The following FBXL5 variants were observed in gnomAD, a reference collection of about 807,000 sequenced individuals.
FBXL5 encodes the protein F-box and leucine rich repeat protein 5, also known as F-box/LRR-repeat protein 5.
A neutral mutation model predicts 78.3 loss-of-function variants in FBXL5; 26 were observed. That is an observed-to-expected ratio of 0.33 (90% CI 0.24 to 0.46). The LOEUF (loss-of-function observed/expected upper bound fraction) is 0.46, where lower values mean the gene tolerates loss of function less well. Ranked by LOEUF, FBXL5 falls within the 20% of genes least tolerant of loss-of-function variation. The probability of loss-of-function intolerance (pLI) is 1.00; values close to 1 mark genes in which losing one functional copy is unlikely to be tolerated. For synonymous variants in FBXL5, 295 were observed against 282.5 expected (o/e 1.04, Z -0.45); for missense variants, 710 against 829.2 (o/e 0.86, Z 1.77).
At chr4:15,651,442 A>T (rs959700912) in intron 1 of FBXL5, among the ~76,000 whole-genome samples, 1 of 152,350 alleles carries the variant, frequency 6.6e-6, no homozygotes, top group African/African-American at 2.4e-5. Flanking sequence ...CGTGAAGATT[A>T]AAAGAAACAA....
intron 1 of FBXL5, among the ~76,000 whole-genome samples, chr4:15,671,920 T>G (rs1268710761): frequency 6.6e-6 from 1 of 152,236 alleles, no homozygotes; most frequent in Non-Finnish European, 1.5e-5. Context: ...TCCATGTCTC[T>G]ACTTTTTGAA....
At chr4:15,642,659 T>G (rs1276233368) in intron 2 of FBXL5, among the ~76,000 whole-genome samples, 1 of 152,242 alleles carries the variant, frequency 6.6e-6, no homozygotes, top group Admixed American at 6.5e-5. Flanking sequence ...CTCTTACGAC[T>G]TTACACATTT....
chr4:15,646,586 T>C (rs1237101432), intron 1 of FBXL5, among the ~76,000 whole-genome samples: 1 of 152,134 alleles, frequency 6.6e-6, no homozygotes, highest in Non-Finnish European at 1.5e-5. Context: ...TAGGTACATG[T>C]GCACAACGTG....
Position 15,604,784 on chromosome 4 carries a change from T to C in FBXL5, c.*939A>G, listed in dbSNP as rs902411326. The C allele has an allele frequency of 7.9e-5, 12 of 152,234 alleles. No individual in the cohort carries two copies. Among genetic ancestry groups the C allele is most frequent in the Non-Finnish European group, 1.8e-4 (12 of 68,036 alleles). 9.4% of individuals were successfully genotyped at this position (152,234 alleles called of 1,614,324 possible). A position where few individuals can be genotyped will look rare whatever the true frequency, so the allele number is the denominator to read the frequency against. On this transcript the variant is annotated 3_prime_UTR_variant, in exon 11 of 11. Coordinates refer to ENST00000341285, the MANE Select transcript of FBXL5 (RefSeq NM_012161.4). ...GGGTGGCAGGCCTCCACTCTCATGA[T>C]GTTTTAACAAAGCAAAGTAGATATA... is the stretch of plus-strand genomic sequence containing the variant.
rs781272941 is a variant in FBXL5, at chr4:15,630,710, C to T, written c.848G>A (p.Arg283His). ...ATCTTCATCCCACTCATGAAAAGCA[C>T]GACTTTCATCTTTCCTATTTTTCAC... ...EWVKNRKDES[R>H]AFHEWDEDAD... Residue 283 changes from arginine to histidine, a missense_variant, in exon 6 of 11, where the codon CGT becomes CAT. Transcript: ENST00000341285. 6.9e-6 allele frequency: 11 copies of T among 1,602,384 alleles called. No homozygotes were observed. The highest frequency in any genetic ancestry group is 2.3e-5 in the South Asian group (2 of 87,916).
chr4:15,669,308 G>A (rs1015106325), intron 1 of FBXL5, among the ~76,000 whole-genome samples: 8 of 152,102 alleles, frequency 5.3e-5, no homozygotes, highest in Non-Finnish European at 8.8e-5. Flanking sequence ...CAAAGGTTAA[G>A]TATTTCTGTA....
intron 1 of FBXL5, among the ~76,000 whole-genome samples, chr4:15,677,102 G>A (rs962010379): frequency 6.6e-6 from 1 of 152,156 alleles, no homozygotes; most frequent in East Asian, 1.9e-4. Context: ...CTGAAGACAA[G>A]CAAGGTAACA....
chr4:15,670,826 A>G (rs1291144005), intron 1 of FBXL5, among the ~76,000 whole-genome samples: 3 of 151,724 alleles, frequency 2.0e-5, no homozygotes, highest in Non-Finnish European at 4.4e-5. Context: ...CATTTCTGGT[A>G]CAACGGATCT....
chr4:15,674,227 C>G (rs1026781563), intron 1 of FBXL5, among the ~76,000 whole-genome samples: 6 of 144,776 alleles, frequency 4.1e-5, no homozygotes, highest in Non-Finnish European at 6.0e-5. Flanking sequence ...TTTTAATTCT[C>G]TAGCCCTATG....
chr4:15,633,791 C>T (rs7662032), intron 5 of FBXL5, among the ~76,000 whole-genome samples: 2 of 152,082 alleles, frequency 1.3e-5, no homozygotes, highest in Non-Finnish European at 2.9e-5. Flanking sequence ...GTAGACAGAG[C>T]GTTTCACCTT....
At chr4:15,645,802 G>A (rs1715294246) in intron 1 of FBXL5, among the ~76,000 whole-genome samples, 1 of 152,112 alleles carries the variant, frequency 6.6e-6, no homozygotes, top group Non-Finnish European at 1.5e-5. Flanking sequence ...ATGGTTGTTA[G>A]TACTCAATAA....
chr4:15,618,284 C>T (rs554097776), intron 9 of FBXL5, among the ~76,000 whole-genome samples: 2 of 152,288 alleles, frequency 1.3e-5, no homozygotes, highest in Admixed American at 1.3e-4. Context: ...TTCCCAACTA[C>T]ACTTTAAGAG....
Position 15,625,561 on chromosome 4 carries a change from C to T in FBXL5, c.1541G>A (p.Ser514Asn), listed in dbSNP as rs1560218933. 1 of 1,614,182 alleles carries T rather than the reference C, an allele frequency of 6.2e-7. No individual in the cohort carries two copies. Among genetic ancestry groups the T allele is most frequent in the South Asian group, 1.1e-5 (1 of 91,084 alleles). The change falls in exon 9 of 11, where the codon AGT (serine) becomes AAT (asparagine). Residue 514 changes from serine (S) to asparagine (N), a missense_variant. Physicochemically the swap from Ser to Asn is conservative, Grantham distance 46 (BLOSUM62 1). This residue lies in a region of FBXL5 where 517 missense variants were observed against 542.9 expected (regional missense o/e 0.95). Transcript: ENST00000341285. The part of the protein sequence containing the change: ...LCVMETASNF[S>N]CSTSGCFSKD... ...ACTAAAACAACCAGAGGTGGAACAACTAAAGTTGGATGCTGTTTCCATTAC... is the reference window on the plus strand; with the variant it reads ...ACTAAAACAACCAGAGGTGGAACAATTAAAGTTGGATGCTGTTTCCATTAC...
At chr4:15,620,835 G>C (rs1047293743) in intron 9 of FBXL5, among the ~76,000 whole-genome samples, 1 of 152,250 alleles carries the variant, frequency 6.6e-6, no homozygotes, top group Admixed American at 6.5e-5. Context: ...ACAAACAATT[G>C]CATGAGCGAT....
intron 8 of FBXL5, 107 bp from the exon 9 acceptor site, chr4:15,626,084 A>C (rs551801357): frequency 3.4e-5 from 34 of 1,005,916 alleles, no homozygotes; most frequent in African/African-American, 5.1e-5. Context: ...CATCTAATAT[A>C]ATCACTTAAG....
intron 1 of FBXL5, 123 bp downstream of exon 1, chr4:15,655,081 G>A: frequency 1.5e-6 from 1 of 677,650 alleles, no homozygotes; most frequent in Non-Finnish European, 2.0e-6. Context: ...CTGCGCAGGC[G>A]GCTACTCGCG....
intron 9 of FBXL5, among the ~76,000 whole-genome samples, chr4:15,624,543 G>C (rs1712813709): frequency 6.6e-6 from 1 of 150,680 alleles, no homozygotes; most frequent in African/African-American, 2.4e-5. Flanking sequence ...GCTGAAAAGA[G>C]CTACCTGTCT....
chr4:15,660,008 T>C (rs923558542), upstream of FBXL5: 1 of 152,046 alleles, frequency 6.6e-6, no homozygotes, highest in Non-Finnish European at 1.5e-5. Flanking sequence ...AGTTGCTTAA[T>C]CCCTGCCTAC....
Position 15,625,977 on chromosome 4 carries a change from A to C in FBXL5, c.1125T>G (p.Ser375Arg). 6.4e-7 allele frequency: 1 copy of C among 1,557,612 alleles called. No individual in the cohort carries two copies. The highest frequency in any genetic ancestry group is 2.3e-5 in the East Asian group (1 of 44,388). The stretch of plus-strand genomic sequence containing the variant: ...TCTGGCAGCAACCAAGCCAAGACCA[A>C]CTATAATTAAAAGACAAGACTATTA... ...QTDISDSAFDSWSWLGCCQSL... is the reference protein window; with the variant it reads ...QTDISDSAFDRWSWLGCCQSL... Residue 375 changes from serine (S) to arginine (R), a missense_variant and splice_region_variant, in exon 9 of 11, where the codon AGT (serine) becomes AGG (arginine). Transcript: ENST00000341285.
Sources: gnomAD v4.1 joint callset for allele counts (sites outside exome capture counted in the v4.1 genomes callset) on GRCh38, gnomAD v4.1.1 for gene constraint, gnomAD v4.1.1 regional missense constraint, MANE v1.5 for transcripts, NCBI Gene and HGNC (gene_info 2026-07-23, HGNC 2026-07-21) for gene names.